Variants in MGA observed in about 807,000 individuals in gnomAD.
MGA encodes the protein MAX dimerization protein MGA, also known as MAX gene-associated protein.
A neutral mutation model predicts 261.1 loss-of-function variants in MGA; 40 were observed. The observed-to-expected ratio is 0.15, with a 90% CI of 0.12 to 0.20. The LOEUF (loss-of-function observed/expected upper bound fraction) is 0.20, where lower values mean the gene tolerates loss of function less well. Ranked by LOEUF, MGA falls within the 10% of genes least tolerant of loss-of-function variation. MGA has a pLI of 1.00. For missense variants in MGA, 3,397 were observed against 3,630.5 expected (o/e 0.94, Z 1.65); for synonymous variants, 1,302 against 1,290.6 (o/e 1.01, Z -0.19).
intron 2 of MGA, among the ~76,000 whole-genome samples, chr15:41,688,476 ATTC>A (rs781149634): frequency 6.6e-6 from 1 of 152,018 alleles, no homozygotes; most frequent in Non-Finnish European, 1.5e-5. Flanking sequence ...TTGTACTTTA[ATTC>A]TTCTTCCTTG....
chr15:41,738,508 A>G lies in MGA; in HGVS notation c.4435-1545A>G, dbSNP rs550627830. On this transcript the variant is annotated intron_variant, in intron 13 of 23. Transcript: ENST00000219905. ...TCTGTTGATATTTCTTATACTCTTG[A>G]TGAGGAGAACAGTATTTTCTCTACC... 9.8e-5 allele frequency among the ~76,000 whole-genome samples: 15 copies of G among 152,320 alleles called. No individual in the cohort carries two copies. The East Asian group carries it at 2.9e-3, about 29-fold the overall frequency.
chr15:41,725,834 C>CAAAAAAA (rs1204528358), intron 9 of MGA, among the ~76,000 whole-genome samples: 1 of 9,032 alleles, frequency 1.1e-4, no homozygotes, highest in Non-Finnish European at 2.0e-4. Context: ...GACTCCGTCT[C>CAAAAAAA]AAAAAAAAAA....
intron 17 of MGA, among the ~76,000 whole-genome samples, chr15:41,753,246 C>T (rs878949991): frequency 6.6e-6 from 1 of 152,312 alleles, no homozygotes; most frequent in Admixed American, 6.5e-5. Flanking sequence ...CCCATCTCTA[C>T]TAACAATACA....
chr15:41,666,729 C>A (rs2057761960), intron 1 of MGA, among the ~76,000 whole-genome samples: 1 of 152,186 alleles, frequency 6.6e-6, no homozygotes, highest in Non-Finnish European at 1.5e-5. Context: ...ACATTCCACT[C>A]TATGGATGTG....
chr15:41,731,856 A>T (rs944571972), intron 11 of MGA, among the ~76,000 whole-genome samples: 1 of 152,206 alleles, frequency 6.6e-6, no homozygotes, highest in African/African-American at 2.4e-5. Flanking sequence ...AAAAACACGA[A>T]TAAGGGTTTC....
At chr15:41,757,331 CATT>C (rs1257367664) in intron 18 of MGA, among the ~76,000 whole-genome samples, 1 of 152,160 alleles carries the variant, frequency 6.6e-6, no homozygotes, top group Non-Finnish European at 1.5e-5. Context: ...ATTTTCATGT[CATT>C]ATTCCCTAAA....
intron 11 of MGA, among the ~76,000 whole-genome samples, chr15:41,733,382 A>G (rs964903883): frequency 4.6e-5 from 7 of 152,184 alleles, no homozygotes; most frequent in Admixed American, 3.9e-4. Flanking sequence ...TGTCCAACCC[A>G]TGGAGGATTA....
Position 41,754,466 on chromosome 15 carries a change from T to C in MGA, c.7038T>C (p.Asp2346=). Residue 2346 remains aspartate (D), a synonymous_variant, in exon 18 of 24, where the codon GAT becomes GAC. Transcript: ENST00000219905. ...ACTGTGTAGAATACATTGAGGATGA[T>C]GAGGAGCACGTGGACATTGAGACTG... 6.4e-7 allele frequency: 1 copy of C among 1,557,120 alleles called. No individual in the cohort carries two copies. Among genetic ancestry groups the C allele is most frequent in the Non-Finnish European group, 8.7e-7 (1 of 1,149,556 alleles).
chr15:41,756,849 C>T lies in MGA; in HGVS notation c.7140-939C>T, dbSNP rs184838102. Among the ~76,000 whole-genome samples the T allele has an allele frequency of 1.1e-4, 17 of 152,284 alleles. No individual in the cohort carries two copies. In the East Asian group the frequency reaches 3.3e-3, roughly 29 times the overall value. ...CCTCAACCAGTCCTCGTGCCTTGGC[C>T]TCCTAAAGTTCTGGGATTACAGGCA... On this transcript the variant is annotated intron_variant, in intron 18 of 23. Transcript: ENST00000219905.
chr15:41,748,199 G>T (rs923514798), intron 15 of MGA, among the ~76,000 whole-genome samples: 32 of 152,020 alleles, frequency 2.1e-4, no homozygotes, highest in African/African-American at 7.5e-4. Context: ...TGAGACTGCA[G>T]TGAGCTATGA....
intron 2 of MGA, among the ~76,000 whole-genome samples, chr15:41,677,534 C>T (rs750670141): frequency 2.0e-5 from 3 of 152,154 alleles, no homozygotes; most frequent in Non-Finnish European, 4.4e-5. Flanking sequence ...TACTGTTTTC[C>T]AAAGTGACTG....
intron 1 of MGA, among the ~76,000 whole-genome samples, chr15:41,632,514 G>C (rs561377676): frequency 6.6e-6 from 1 of 152,136 alleles, no homozygotes; most frequent in African/African-American, 2.4e-5. Context: ...TCCATTGGCC[G>C]TAAAGATCCA....
At chr15:41,671,612 A>C (rs1359097454) in intron 2 of MGA, among the ~76,000 whole-genome samples, 1 of 152,026 alleles carries the variant, frequency 6.6e-6, no homozygotes, top group East Asian at 1.9e-4. Flanking sequence ...TACAGATGTG[A>C]GCCACCGCGC....
Position 41,744,360 on chromosome 15 carries a change from C to T in MGA, c.5212+1188C>T, listed in dbSNP as rs558144842. 3.9e-3 allele frequency among the ~76,000 whole-genome samples: 587 copies of T among 152,150 alleles called. 4 individuals carry two copies. Among genetic ancestry groups the T allele is most frequent in the African/African-American group, 0.014 (562 of 41,486 alleles). On this transcript the variant is annotated intron_variant, in intron 15 of 23. Coordinates refer to ENST00000219905, the MANE Select transcript of MGA (RefSeq NM_001164273.2). ...CTGGGACTACAGGTTTATGCCACCACGTCCAGCTAATTTTTTGTATTTTCA... is the reference window on the plus strand; with the variant it reads ...CTGGGACTACAGGTTTATGCCACCATGTCCAGCTAATTTTTTGTATTTTCA...
In MGA at chr15:41,699,177, T is replaced by A; in HGVS notation, c.2188+18T>A. 3 of 1,481,924 alleles carry A rather than the reference T, an allele frequency of 2.0e-6. No homozygotes were observed. The highest frequency in any genetic ancestry group is 1.4e-5 in the African/African-American group (1 of 69,906). The allele number at this position is 1,481,924 out of a possible 1,614,324, so 91.8% of individuals were successfully genotyped here. On this transcript the variant is annotated intron_variant, in intron 5 of 23. Transcript: ENST00000219905. ...TCAAGAAGGTAATAGACTAGCGACT[T>A]CTTTTTTTTTGTTTTCTTTTTTTCT...
chr15:41,659,912 C>A (rs982023598), upstream of MGA, among the ~76,000 whole-genome samples: 1 of 152,240 alleles, frequency 6.6e-6, no homozygotes, highest in African/African-American at 2.4e-5. Flanking sequence ...AGGTCTTTGG[C>A]TTCAAGGTTT....
chr15:41,766,967 C>T lies in MGA; in HGVS notation c.8885C>T (p.Ser2962Phe). 6.2e-7 allele frequency: 1 copy of T among 1,613,986 alleles called. No individual in the cohort carries two copies. Among genetic ancestry groups the T allele is most frequent in the Non-Finnish European group, 8.5e-7 (1 of 1,179,888 alleles). ...CTCCCTGCAGAGCCCGAAAGTGTGT[C>T]CTCACCCCCCACCCTACACATGAAG... is the stretch of plus-strand genomic sequence containing the variant. Residue 2962 changes from serine (S) to phenylalanine (F), a missense_variant, in exon 24 of 24, where the codon TCC becomes TTC. Transcript: ENST00000219905.
At chr15:41,743,312 C>T (rs1051116563) in intron 15 of MGA, 140 bp downstream of exon 15, 196 of 1,093,912 alleles carry the variant, frequency 1.8e-4, no homozygotes, top group Admixed American at 1.2e-3. Context: ...TTCCTGAAAA[C>T]CTCTGCATGC....
At chr15:41,755,321 A>AAGG (rs1950624394) in intron 18 of MGA, among the ~76,000 whole-genome samples, 9 of 152,196 alleles carry the variant, frequency 5.9e-5, no homozygotes. Context: ...GAGAAAGTTG[A>AAGG]AGGAGTAGAA....
Sources: gnomAD v4.1 joint callset for allele counts (sites outside exome capture counted in the v4.1 genomes callset) on GRCh38, gnomAD v4.1.1 for gene constraint, MANE v1.5 for transcripts, NCBI Gene and HGNC (gene_info 2026-07-23, HGNC 2026-07-21) for gene names.